PCDHGB1: variants seen among roughly 807,000 people sequenced by gnomAD.
The protein encoded by PCDHGB1 is protocadherin gamma subfamily B, 1.
PCDHGB1 carries 34 observed loss-of-function variants against 56.6 expected under a neutral mutation model. The ratio of observed to expected loss-of-function variants is 0.60; its 90% CI spans 0.46 to 0.80. PCDHGB1 has a LOEUF of 0.80. Among genes scored for constraint, PCDHGB1 ranks in the 30% least tolerant of loss-of-function variants. The pLI, the probability that PCDHGB1 is intolerant of heterozygous loss-of-function variation, is 0.00. For synonymous variants in PCDHGB1, 561 were observed against 505.9 expected (o/e 1.11, Z -1.46); for missense variants, 1,278 against 1,204.6 (o/e 1.06, Z -0.90).
At chr5:141,421,776 G>A in intron 1 of PCDHGB1, 5 of 1,613,876 alleles carry the variant, frequency 3.1e-6, no homozygotes, top group Non-Finnish European at 3.4e-6. Context: ...CCTTGCAACT[G>A]CGGGGCAGAA....
Position 141,489,409 on chromosome 5 carries a change from A to T in PCDHGB1, c.2410-5398A>T. On this transcript the variant is annotated intron_variant, in intron 1 of 3. Transcript: ENST00000523390. The surrounding 1 kb of genome is among the most constrained non-coding windows in gnomAD (Gnocchi z 4.5). ...TGCTCAGGATCTGGGCTTAAAGATG[A>T]CAGATCTGTTGAGCCGGCGGCTGCA... 1.9e-6 allele frequency: 3 copies of T among 1,614,114 alleles called. No homozygotes were observed. The highest frequency in any genetic ancestry group is 2.5e-6 in the Non-Finnish European group (3 of 1,180,004).
chr5:141,366,977 A>G, intron 1 of PCDHGB1: 1 of 540,714 alleles, frequency 1.8e-6, no homozygotes, highest in Non-Finnish European at 3.1e-6. Context: ...AATACCTTAA[A>G]GGAAAGTGGT....
chr5:141,357,665 C>A, intron 1 of PCDHGB1: 1 of 1,599,548 alleles, frequency 6.3e-7, no homozygotes, highest in Non-Finnish European at 8.5e-7. Flanking sequence ...GAAATATAGA[C>A]AAAGAGTTGT....
At chr5:141,507,016 G>C (rs913170594) in intron 3 of PCDHGB1, 1 of 152,166 alleles carries the variant, frequency 6.6e-6, no homozygotes, top group African/African-American at 2.4e-5. Context: ...AACCGAGAAG[G>C]CACTTGCCCC....
chr5:141,369,104 T>C (rs571749140), intron 1 of PCDHGB1, among the ~76,000 whole-genome samples: 2 of 152,282 alleles, frequency 1.3e-5, no homozygotes, highest in South Asian at 2.1e-4. Context: ...GAAAATGGAA[T>C]TAAAACTGTA....
chr5:141,406,906 C>T (rs1186250719), intron 1 of PCDHGB1, among the ~76,000 whole-genome samples: 1 of 152,048 alleles, frequency 6.6e-6, no homozygotes, highest in Non-Finnish European at 1.5e-5. Flanking sequence ...CTGTTTTTAG[C>T]TATAAGGAAG....
At position 141,404,471 on chromosome 5, in the gene PCDHGB1, A is replaced by G. The variant is rs200620626; in HGVS notation, c.2409+51802A>G. ...GTCTCCTCTCTCCACCTATGTCTCT[A>G]TTAACTCAGACACTGGTGTGCTGTA... On this transcript the variant is annotated intron_variant, in intron 1 of 3. Coordinates refer to ENST00000523390, the MANE Select transcript of PCDHGB1 (RefSeq NM_018922.3). 307 of 1,613,160 alleles carry G rather than the reference A, an allele frequency of 1.9e-4. No homozygotes were observed. Among genetic ancestry groups the G allele is most frequent in the Non-Finnish European group, 2.5e-4 (293 of 1,179,322 alleles).
At position 141,423,756 on chromosome 5, in the gene PCDHGB1, G is replaced by GGA. The variant is rs1554116833; in HGVS notation, c.2410-71050_2410-71049insAG. 3 of 448,454 alleles carry GGA rather than the reference G, an allele frequency of 6.7e-6. No individual in the cohort carries two copies. In the African/African-American group the frequency reaches 8.4e-5, roughly 13 times the overall value. The allele number at this position is 448,454 out of a possible 1,614,324, so 27.8% of individuals were successfully genotyped here. A position where few individuals can be genotyped will look rare whatever the true frequency, so the allele number is the denominator to read the frequency against. ...GCCTGTTATGAAAACTGTTTGGGGG[G>GGA]GGGGTGGGGCGGCATATATTTAGTT... On this transcript the variant is annotated intron_variant, in intron 1 of 3. Coordinates refer to ENST00000523390, the MANE Select transcript of PCDHGB1 (RefSeq NM_018922.3).
At chr5:141,436,105 A>G (rs2097796181) in intron 1 of PCDHGB1, among the ~76,000 whole-genome samples, 2 of 152,198 alleles carry the variant, frequency 1.3e-5, no homozygotes, top group African/African-American at 4.8e-5. Context: ...GAAATAGAGG[A>G]CAATGAAACC....
In PCDHGB1 at chr5:141,432,670, G is replaced by C; in HGVS notation, c.2410-62137G>C. On this transcript the variant is annotated intron_variant, in intron 1 of 3. Transcript: ENST00000523390. The surrounding 1 kb of genome is among the most constrained non-coding windows in gnomAD (Gnocchi z 6.0). ...CGCGAGCCCTGCTGGACAGAGACGCGCTCAAGCAGAGCCTCGTAGTGGCCG... is the reference window on the plus strand; with the variant it reads ...CGCGAGCCCTGCTGGACAGAGACGCCCTCAAGCAGAGCCTCGTAGTGGCCG... 1 of 1,613,868 alleles carries C rather than the reference G, an allele frequency of 6.2e-7. No homozygotes were observed. The highest frequency in any genetic ancestry group is 8.5e-7 in the Non-Finnish European group (1 of 1,179,940).
intron 1 of PCDHGB1, chr5:141,393,540 C>G (rs760241344): frequency 6.2e-7 from 1 of 1,613,996 alleles, no homozygotes; most frequent in Admixed American, 1.7e-5. Context: ...CCCGGTTTTT[C>G]CTCACCCGAT....
At chr5:141,443,113 T>C (rs2098364390) in intron 1 of PCDHGB1, among the ~76,000 whole-genome samples, 1 of 152,040 alleles carries the variant, frequency 6.6e-6, no homozygotes, top group African/African-American at 2.4e-5. Flanking sequence ...ACCTTGCTTT[T>C]CAAACCAGAT....
intron 1 of PCDHGB1, chr5:141,414,008 A>G (rs753686379): frequency 4.3e-6 from 7 of 1,613,188 alleles, no homozygotes; most frequent in Middle Eastern, 1.6e-4. Context: ...GAAGGTGCCA[A>G]TGGAGAAGTG....
At chr5:141,386,640 A>G (rs1313920703) in intron 1 of PCDHGB1, among the ~76,000 whole-genome samples, 2 of 151,864 alleles carry the variant, frequency 1.3e-5, no homozygotes, top group African/African-American at 4.8e-5. Flanking sequence ...CCCAGGCTGG[A>G]TACATTTTAC....
intron 1 of PCDHGB1, chr5:141,423,755 G>GGT (rs1554116817): frequency 5.9e-6 from 3 of 512,508 alleles, no homozygotes; most frequent in Non-Finnish European, 7.8e-6. Context: ...CTGTTTGGGG[G>GGT]GGGGGTGGGG....
At chr5:141,483,660 G>T (rs943362284) in intron 1 of PCDHGB1, among the ~76,000 whole-genome samples, 4 of 152,094 alleles carry the variant, frequency 2.6e-5, no homozygotes, top group Admixed American at 2.0e-4. Flanking sequence ...GTGTGTGTGT[G>T]TGTGTGTGTA....
At chr5:141,444,672 A>G (rs990955921) in intron 1 of PCDHGB1, among the ~76,000 whole-genome samples, 2 of 152,086 alleles carry the variant, frequency 1.3e-5, no homozygotes, top group Non-Finnish European at 2.9e-5. Flanking sequence ...ATTTTTTTCA[A>G]TACCATTTAT....
In PCDHGB1 at chr5:141,487,268, G is replaced by A; in HGVS notation, c.2410-7539G>A. ...CCTCTACTTGGCTGTGTCCCTAGTG[G>A]CAATTTGCTTTGTCTCCTTTGGCTC... On this transcript the variant is annotated intron_variant, in intron 1 of 3. Transcript: ENST00000523390. This position sits in a 1 kb window ranked among gnomAD's most constrained non-coding sequence, Gnocchi z 5.0. 4 of 1,614,100 alleles carry A rather than the reference G, an allele frequency of 2.5e-6. No homozygotes were observed. The South Asian group carries it at 4.4e-5, about 18-fold the overall frequency.
intron 1 of PCDHGB1, chr5:141,415,810 T>C: frequency 7.4e-7 from 1 of 1,360,418 alleles, no homozygotes; most frequent in Non-Finnish European, 9.5e-7. Context: ...AATCAAGGCC[T>C]ATATATCATA....
Sources: allele counts gnomAD v4.1 joint callset (sites outside exome capture counted in the v4.1 genomes callset), GRCh38; gene constraint gnomAD v4.1.1; non-coding constraint Gnocchi (gnomAD v3.1); transcripts MANE v1.5; gene names NCBI Gene and HGNC (gene_info 2026-07-23, HGNC 2026-07-21).